DLGAP1: variants seen among roughly 807,000 people sequenced by gnomAD.
DLGAP1 encodes the protein disks large-associated protein 1.
A neutral mutation model predicts 90.8 loss-of-function variants in DLGAP1; 11 were observed. The observed-to-expected ratio is 0.12, with a 90% CI of 0.08 to 0.20. The LOEUF is 0.20. Ranked by LOEUF, DLGAP1 falls within the 10% of genes least tolerant of loss-of-function variation. The pLI is 1.00. For missense variants in DLGAP1, 1,050 were observed against 1,333.8 expected, an observed-to-expected ratio of 0.79 and a Z score of 3.31; for synonymous variants, 558 against 540.7, an observed-to-expected ratio of 1.03 and a Z score of -0.44.
intron 4 of DLGAP1, among the ~76,000 whole-genome samples, chr18:3,846,556 C>T (rs959667885): frequency 6.6e-6 from 1 of 151,972 alleles, no homozygotes; most frequent in Non-Finnish European, 1.5e-5. Flanking sequence ...CTTGTATCCA[C>T]TAACTGATGA....
chr18:4,358,595 C>T (rs2081571217), intron 1 of DLGAP1, among the ~76,000 whole-genome samples: 1 of 152,246 alleles, frequency 6.6e-6, no homozygotes, highest in Admixed American at 6.5e-5. Context: ...CTGCAGACTA[C>T]TCACTCTCCA....
intron 3 of DLGAP1, among the ~76,000 whole-genome samples, chr18:3,998,054 G>A (rs1298482048): frequency 2.6e-5 from 4 of 152,126 alleles, no homozygotes; most frequent in African/African-American, 9.7e-5. Flanking sequence ...AGAAGCATAT[G>A]TCTGGTGGCT....
chr18:4,107,705 C>A (rs1387463308), intron 2 of DLGAP1, among the ~76,000 whole-genome samples: 1 of 152,088 alleles, frequency 6.6e-6, no homozygotes, highest in Admixed American at 6.5e-5. Flanking sequence ...TATCTCTCTA[C>A]GATAGAAATG....
intron 2 of DLGAP1, among the ~76,000 whole-genome samples, chr18:4,129,444 A>G (rs2076281151): frequency 6.6e-6 from 1 of 152,140 alleles, no homozygotes; most frequent in African/African-American, 2.4e-5. Flanking sequence ...CAGCTCCTCT[A>G]TCTTTCCTTC....
chr18:4,076,808 G>T (rs969978224), intron 2 of DLGAP1, among the ~76,000 whole-genome samples: 1 of 152,034 alleles, frequency 6.6e-6, no homozygotes, highest in African/African-American at 2.4e-5. Context: ...ATTTTTAGTA[G>T]AGACAGAGTT....
intron 2 of DLGAP1, among the ~76,000 whole-genome samples, chr18:4,081,318 G>GAA (rs1283723769): frequency 0.064 from 8,996 of 140,250 alleles, 913 homozygotes; most frequent in African/African-American, 0.22. Context: ...TCCGTCTCAG[G>GAA]AAAAAAAAAA....
chr18:3,561,274 A>C (rs916132314), intron 9 of DLGAP1, among the ~76,000 whole-genome samples: 2 of 140,446 alleles, frequency 1.4e-5, no homozygotes, highest in South Asian at 2.3e-4. Context: ...AACAAAAAAA[A>C]AAAAACAAAC....
intron 1 of DLGAP1, among the ~76,000 whole-genome samples, chr18:4,410,210 G>C (rs1209529085): frequency 1.3e-5 from 2 of 152,144 alleles, no homozygotes; most frequent in Non-Finnish European, 2.9e-5. Context: ...AGTGTATACT[G>C]CTTGGGTGAT....
At chr18:4,255,641 T>C (rs2078873811) in intron 1 of DLGAP1, among the ~76,000 whole-genome samples, 1 of 152,000 alleles carries the variant, frequency 6.6e-6, no homozygotes, top group Non-Finnish European at 1.5e-5. Flanking sequence ...TTCTGCACAG[T>C]TCCATCTATC....
At chr18:3,556,847 A>G (rs540353) in intron 9 of DLGAP1, among the ~76,000 whole-genome samples, 131,549 of 152,190 alleles carry the variant, frequency 0.86, 58,019 homozygotes, top group Non-Finnish European at 0.94. Context: ...TAGGCAAGGT[A>G]GTTCATGCCT....
At chr18:3,672,016 A>G (rs759684406) in intron 7 of DLGAP1, among the ~76,000 whole-genome samples, 9 of 152,178 alleles carry the variant, frequency 5.9e-5, no homozygotes, top group Non-Finnish European at 7.4e-5. Context: ...CTGCAATGAG[A>G]TATTTGTTCA....
chr18:4,387,954 C>A (rs1232353264), intron 1 of DLGAP1, among the ~76,000 whole-genome samples: 3 of 151,530 alleles, frequency 2.0e-5, no homozygotes, highest in African/African-American at 7.3e-5. Flanking sequence ...CACACACACA[C>A]ACACACACAC....
chr18:3,728,885 T>G lies in DLGAP1; in HGVS notation c.1591+250A>C, dbSNP rs115966300. On this transcript the variant is annotated intron_variant, in intron 7 of 12. Coordinates refer to ENST00000315677, the MANE Select transcript of DLGAP1 (RefSeq NM_004746.4). Reference sequence around the variant, plus strand: ...AGTCCCTCCCCTCTGGGCTGTGCTGTCCCTCCCTCATGGTGCCGTTGTTGC... The same window carrying G: ...AGTCCCTCCCCTCTGGGCTGTGCTGGCCCTCCCTCATGGTGCCGTTGTTGC... 4.5e-3 allele frequency among the ~76,000 whole-genome samples: 690 copies of G among 152,220 alleles called. 10 individuals carry two copies. Among genetic ancestry groups the G allele is most frequent in the African/African-American group, 0.016 (657 of 41,548 alleles).
intron 2 of DLGAP1, among the ~76,000 whole-genome samples, chr18:4,123,923 C>T (rs577142603): frequency 2.8e-4 from 43 of 152,276 alleles, no homozygotes; most frequent in African/African-American, 1.0e-3. Context: ...GAAAAGATCA[C>T]TCTGAGATTC....
chr18:3,962,080 C>T (rs1218548702), intron 3 of DLGAP1, among the ~76,000 whole-genome samples: 2 of 152,036 alleles, frequency 1.3e-5, no homozygotes, highest in African/African-American at 4.8e-5. Context: ...TATTGATTCT[C>T]AAAAAGATCT....
At chr18:3,951,414 A>G (rs895242436) in intron 3 of DLGAP1, among the ~76,000 whole-genome samples, 1 of 152,232 alleles carries the variant, frequency 6.6e-6, no homozygotes, top group Non-Finnish European at 1.5e-5. Context: ...CTTTTGGACA[A>G]TAGCTGTCAA....
chr18:3,605,630 A>G (rs1267051283), intron 7 of DLGAP1, among the ~76,000 whole-genome samples: 1 of 152,218 alleles, frequency 6.6e-6, no homozygotes, highest in Non-Finnish European at 1.5e-5. Flanking sequence ...CCTTTCCTTA[A>G]AAATCAAAAT....
intron 1 of DLGAP1, among the ~76,000 whole-genome samples, chr18:4,288,476 C>T (rs1451031837): frequency 6.6e-6 from 1 of 152,078 alleles, no homozygotes; most frequent in Non-Finnish European, 1.5e-5. Context: ...AAAAGCTCTA[C>T]CTGGTTCCAT....
chr18:4,227,317 A>C lies in DLGAP1; in HGVS notation c.-266-76030T>G, dbSNP rs184925072. On this transcript the variant is annotated intron_variant, in intron 1 of 12. Transcript: ENST00000315677. The stretch of plus-strand genomic sequence containing the variant: ...ATGACCCAGACAGAAAAATCAACAA[A>C]ACATTGGACTTAATCTGCACCTAGA... 1.1e-3 allele frequency among the ~76,000 whole-genome samples: 168 copies of C among 152,060 alleles called. 3 individuals are homozygous for C. In the South Asian group the frequency reaches 0.018, roughly 16 times the overall value.
Sources: gnomAD v4.1 joint callset for allele counts (sites outside exome capture counted in the v4.1 genomes callset) on GRCh38, gnomAD v4.1.1 for gene constraint, MANE v1.5 for transcripts, NCBI Gene and HGNC (gene_info 2026-07-23, HGNC 2026-07-21) for gene names.